Variants in PCDHGC3 observed in about 807,000 individuals in gnomAD.
The protein encoded by PCDHGC3 is protocadherin gamma-C3.
Under a neutral mutation model 59.2 loss-of-function variants are expected in PCDHGC3, and 26 were observed. The observed-to-expected ratio is 0.44, with a 90% CI of 0.32 to 0.61. PCDHGC3 has a LOEUF of 0.61. Ranked by LOEUF, PCDHGC3 falls within the 20% of genes least tolerant of loss-of-function variation. The pLI is 0.05. For synonymous variants in PCDHGC3, 487 were observed against 519.7 expected, an observed-to-expected ratio of 0.94 and a Z score of 0.86; for missense variants, 1,080 against 1,221.8, an observed-to-expected ratio of 0.88 and a Z score of 1.73.
Position 141,485,954 on chromosome 5 carries a change from C to T in PCDHGC3, c.2430+7408C>T, listed in dbSNP as rs2154580519. The T allele has an allele frequency of 6.2e-7, 1 of 1,614,190 alleles. No individual in the cohort carries two copies. The highest frequency in any genetic ancestry group is 8.5e-7 in the Non-Finnish European group (1 of 1,180,038). ...GGAGAGCGCACCAGCGGGCATGGTG[C>T]TCATCCAGCTCAATGCCTCAGACCC... On this transcript the variant is annotated intron_variant, in intron 1 of 3. Coordinates refer to ENST00000308177, the MANE Select transcript of PCDHGC3 (RefSeq NM_002588.4). The surrounding 1 kb of genome is among the most constrained non-coding windows in gnomAD (Gnocchi z 5.7).
intron 2 of PCDHGC3, among the ~76,000 whole-genome samples, chr5:141,503,077 T>C (rs902429288): frequency 6.6e-6 from 1 of 151,810 alleles, no homozygotes; most frequent in African/African-American, 2.4e-5. Flanking sequence ...ATGGTCTCGA[T>C]CTCCTGACCT....
chr5:141,507,661 C>T (rs1328943034), intron 3 of PCDHGC3, among the ~76,000 whole-genome samples: 1 of 152,236 alleles, frequency 6.6e-6, no homozygotes, highest in Non-Finnish European at 1.5e-5. Context: ...GCTTTTTAGC[C>T]TAAATCCAGA....
chr5:141,487,675 A>G lies in PCDHGC3; in HGVS notation c.2431-7132A>G, dbSNP rs752606441. ...GTTATTCTGATCCAGGCATATGGCT[A>G]GGCCATGTCCTAGAGAGTACTGGCC... On this transcript the variant is annotated intron_variant, in intron 1 of 3. Transcript: ENST00000308177. This position sits in a 1 kb window ranked among gnomAD's most constrained non-coding sequence, Gnocchi z 5.0. 22 of 1,611,038 alleles carry G rather than the reference A, an allele frequency of 1.4e-5. No individual in the cohort carries two copies. Among genetic ancestry groups the G allele is most frequent in the Non-Finnish European group, 1.7e-5 (20 of 1,178,458 alleles).
At position 141,476,128 on chromosome 5, in the gene PCDHGC3, G is replaced by A. The variant is rs1450094771; in HGVS notation, c.12G>A (p.Glu4=). 1 of 1,606,456 alleles carries A rather than the reference G, an allele frequency of 6.2e-7. No homozygotes were observed. Among genetic ancestry groups the A allele is most frequent in the African/African-American group, 1.3e-5 (1 of 74,874 alleles). The change falls in exon 1 of 4, where the codon GAG becomes GAA. Residue 4 remains glutamate (E), a synonymous_variant. Transcript: ENST00000308177. The surrounding 1 kb of genome is among the most constrained non-coding windows in gnomAD (Gnocchi z 7.6). MVP[E]AWRSGLVSTG... ...TGCTTTTGAGTGAGATGGTCCCAGA[G>A]GCCTGGAGGAGCGGACTGGTAAGCA...
At chr5:141,494,524 C>T (rs2099754936) in intron 1 of PCDHGC3, among the ~76,000 whole-genome samples, 1 of 152,156 alleles carries the variant, frequency 6.6e-6, no homozygotes, top group African/African-American at 2.4e-5. Flanking sequence ...GGAGTTCTGA[C>T]TCTGGGGGCA....
chr5:141,494,815 G>T lies in PCDHGC3; in HGVS notation c.2439G>T (p.Pro813=). The change falls in exon 2 of 4, where the codon CCG becomes CCT. Residue 813 remains proline, a synonymous_variant. Transcript: ENST00000308177. ...CTCTGTTTTCTCCACAGCAAGCCCC[G>T]CCCAACACGGACTGGCGTTTCTCTC... The part of the protein sequence containing the change: ...AESAPPGQQA[P]PNTDWRFSQA... 1.2e-6 allele frequency: 2 copies of T among 1,613,976 alleles called. No individual in the cohort carries two copies. The highest frequency in any genetic ancestry group is 1.1e-5 in the South Asian group (1 of 91,072).
rs1246027327 is a variant in PCDHGC3, at chr5:141,491,976, C to A, written c.2431-2831C>A. On this transcript the variant is annotated intron_variant, in intron 1 of 3. Transcript: ENST00000308177. This position sits in a 1 kb window ranked among gnomAD's most constrained non-coding sequence, Gnocchi z 6.9. ...ACTCAAAAAAGGCCGGGGCCTCCTT[C>A]GAGCTTCCGGTGAATTTCGGGCGAT... 3 of 800,708 alleles carry A rather than the reference C, an allele frequency of 3.7e-6. No individual in the cohort carries two copies. The Admixed American group carries it at 1.1e-4, about 30-fold the overall frequency. 49.6% of individuals were successfully genotyped at this position (800,708 alleles called of 1,614,324 possible).
intron 1 of PCDHGC3, chr5:141,478,905 G>T (rs1593970684): frequency 1.1e-6 from 1 of 930,214 alleles, no homozygotes; most frequent in East Asian, 2.7e-5. Flanking sequence ...GGAATAAGCT[G>T]CTGGATACCT....
Position 141,477,514 on chromosome 5 carries a change from T to G in PCDHGC3, c.1398T>G (p.Ile466Met). 1 of 1,614,114 alleles carries G rather than the reference T, an allele frequency of 6.2e-7. No individual in the cohort carries two copies. Among genetic ancestry groups the G allele is most frequent in the Non-Finnish European group, 8.5e-7 (1 of 1,180,026 alleles). The change falls in exon 1 of 4, where the codon ATT becomes ATG. Residue 466 changes from isoleucine to methionine, a missense_variant. Physicochemically the swap from Ile to Met is conservative, Grantham distance 10. Coordinates refer to ENST00000308177, the MANE Select transcript of PCDHGC3 (RefSeq NM_002588.4). The surrounding 1 kb of genome is among the most constrained non-coding windows in gnomAD (Gnocchi z 4.9). ...QSSQSSYDVYIEENNLPGAPI... is the reference protein window; with the variant it reads ...QSSQSSYDVYMEENNLPGAPI... Reference sequence around the variant, plus strand: ...CTCAATCTTCCTACGACGTTTACATTGAAGAAAACAACCTCCCCGGGGCTC... The same window carrying G: ...CTCAATCTTCCTACGACGTTTACATGGAAGAAAACAACCTCCCCGGGGCTC...
Position 141,486,278 on chromosome 5 carries a change from G to C in PCDHGC3, c.2430+7732G>C, listed in dbSNP as rs774763063. On this transcript the variant is annotated intron_variant, in intron 1 of 3. Coordinates refer to ENST00000308177, the MANE Select transcript of PCDHGC3 (RefSeq NM_002588.4). The surrounding 1 kb of genome is among the most constrained non-coding windows in gnomAD (Gnocchi z 5.0). ...CGAGAGTGCAGAACCTGGCACTGTG[G>C]TGGCACTTATCAGTGTGCAGGATCC... is the stretch of plus-strand genomic sequence containing the variant. 4 of 1,613,970 alleles carry C rather than the reference G, an allele frequency of 2.5e-6. No individual in the cohort carries two copies. In the South Asian group the frequency reaches 4.4e-5, roughly 18 times the overall value.
At position 141,491,605 on chromosome 5, in the gene PCDHGC3, T is replaced by C; in HGVS notation, c.2431-3202T>C. On this transcript the variant is annotated intron_variant, in intron 1 of 3. Coordinates refer to ENST00000308177, the MANE Select transcript of PCDHGC3 (RefSeq NM_002588.4). This position sits in a 1 kb window ranked among gnomAD's most constrained non-coding sequence, Gnocchi z 6.9. Reference sequence around the variant, plus strand: ...GGCCTCGGACGGCAGTGACTTCACTTTTCTAAGACCCCTCAGCGTTCAGCA... The same window carrying C: ...GGCCTCGGACGGCAGTGACTTCACTCTTCTAAGACCCCTCAGCGTTCAGCA... 6.2e-7 allele frequency: 1 copy of C among 1,613,868 alleles called. No individual in the cohort carries two copies. Among genetic ancestry groups the C allele is most frequent in the East Asian group, 2.2e-5 (1 of 44,858 alleles).
intron 1 of PCDHGC3, among the ~76,000 whole-genome samples, chr5:141,484,795 C>T (rs1265916821): frequency 6.6e-6 from 1 of 151,784 alleles, no homozygotes; most frequent in African/African-American, 2.4e-5. Context: ...AGATAACAAC[C>T]CGTGGAAAAA....
In PCDHGC3 at chr5:141,487,072, T is replaced by C. The variant is rs754589618; in HGVS notation, c.2431-7735T>C. On this transcript the variant is annotated intron_variant, in intron 1 of 3. Coordinates refer to ENST00000308177, the MANE Select transcript of PCDHGC3 (RefSeq NM_002588.4). This position sits in a 1 kb window ranked among gnomAD's most constrained non-coding sequence, Gnocchi z 5.0. ...CTGGGGAGGTGCGGACGGCTGTTCCTATCCCAGCTGACCTCCCACCACAGA... is the reference window on the plus strand; with the variant it reads ...CTGGGGAGGTGCGGACGGCTGTTCCCATCCCAGCTGACCTCCCACCACAGA... 8.1e-6 allele frequency: 13 copies of C among 1,614,010 alleles called. No homozygotes were observed. Among genetic ancestry groups the C allele is most frequent in the Non-Finnish European group, 1.1e-5 (13 of 1,179,966 alleles).
At position 141,485,225 on chromosome 5, in the gene PCDHGC3, T is replaced by C; in HGVS notation, c.2430+6679T>C. The C allele has an allele frequency of 1.2e-6, 2 of 1,614,156 alleles. No homozygotes were observed. Among genetic ancestry groups the C allele is most frequent in the Non-Finnish European group, 1.7e-6 (2 of 1,180,010 alleles). On this transcript the variant is annotated intron_variant, in intron 1 of 3. Coordinates refer to ENST00000308177, the MANE Select transcript of PCDHGC3 (RefSeq NM_002588.4). The surrounding 1 kb of genome is among the most constrained non-coding windows in gnomAD (Gnocchi z 5.7). Reference sequence around the variant, plus strand: ...AGAAATCTGGCGGTGGGCTACCCTTTTGTTCCTCTTTTACCACCTGGGTTA... The same window carrying C: ...AGAAATCTGGCGGTGGGCTACCCTTCTGTTCCTCTTTTACCACCTGGGTTA...
rs759437302 is a variant in PCDHGC3, at chr5:141,476,861, T to C, written c.745T>C (p.Tyr249His). The change falls in exon 1 of 4, where the codon TAC becomes CAC. Residue 249 changes from tyrosine to histidine, a missense_variant. Transcript: ENST00000308177. The surrounding 1 kb of genome is among the most constrained non-coding windows in gnomAD (Gnocchi z 7.6). Reference sequence around the variant, plus strand: ...TGCGCCTGTCTTCAACCAGTCCTTGTACCGGGCGCGCGTCCTGGAGGATGC... The same window carrying C: ...TGCGCCTGTCTTCAACCAGTCCTTGCACCGGGCGCGCGTCCTGGAGGATGC... ...DNAPVFNQSLYRARVLEDAPS... is the reference protein window; with the variant it reads ...DNAPVFNQSLHRARVLEDAPS... 6.2e-7 allele frequency: 1 copy of C among 1,613,864 alleles called. No individual in the cohort carries two copies. The highest frequency in any genetic ancestry group is 1.7e-5 in the Admixed American group (1 of 60,034).
At chr5:141,507,831 T>C (rs2099864030) in intron 3 of PCDHGC3, among the ~76,000 whole-genome samples, 1 of 152,134 alleles carries the variant, frequency 6.6e-6, no homozygotes, top group African/African-American at 2.4e-5. Context: ...GTGGAGGTGG[T>C]GGGTCAGGCC....
chr5:141,482,530 CAAAAA>C (rs3074545), intron 1 of PCDHGC3, among the ~76,000 whole-genome samples: 1 of 76,558 alleles, frequency 1.3e-5, no homozygotes, highest in African/African-American at 4.8e-5. Context: ...GACAGACATG[CAAAAA>C]AAAAAAAAAA....
At chr5:141,488,478 A>T (rs1251914951) in intron 1 of PCDHGC3, among the ~76,000 whole-genome samples, 5 of 152,072 alleles carry the variant, frequency 3.3e-5, no homozygotes, top group African/African-American at 4.8e-5. Flanking sequence ...ATGTTCCCCT[A>T]CCCAAAAACT....
In PCDHGC3 at chr5:141,511,259, A is replaced by G; in HGVS notation, c.*86A>G. On this transcript the variant is annotated 3_prime_UTR_variant, in exon 4 of 4. Transcript: ENST00000308177. ...ACCTGCACCCAGGCCTCAGAGTTTCAGGGCTAACCCCCAGAATACTGGTAG... is the reference window on the plus strand; with the variant it reads ...ACCTGCACCCAGGCCTCAGAGTTTCGGGGCTAACCCCCAGAATACTGGTAG... 1.3e-6 allele frequency: 2 copies of G among 1,559,840 alleles called. No individual in the cohort carries two copies. The highest frequency in any genetic ancestry group is 1.7e-6 in the Non-Finnish European group (2 of 1,152,466).
Sources: gnomAD v4.1 joint callset for allele counts (sites outside exome capture counted in the v4.1 genomes callset) on GRCh38, gnomAD v4.1.1 for gene constraint, Gnocchi (gnomAD v3.1) non-coding constraint, MANE v1.5 for transcripts, NCBI Gene and HGNC (gene_info 2026-07-23, HGNC 2026-07-21) for gene names.